Variants in PTPRR observed in about 807,000 individuals in gnomAD.
PTPRR encodes the protein receptor-type tyrosine-protein phosphatase R.
Under a neutral mutation model 77.2 loss-of-function variants are expected in PTPRR, and 38 were observed. That is an observed-to-expected ratio of 0.49 (90% CI 0.38 to 0.65). PTPRR has a LOEUF of 0.65. Among genes scored for constraint, PTPRR ranks in the 30% least tolerant of loss-of-function variants. PTPRR has a pLI of 0.00. For missense variants in PTPRR, 744 were observed against 799.2 expected (o/e 0.93, Z 0.83); for synonymous variants, 299 against 283.1 (o/e 1.06, Z -0.57).
chr12:70,690,467 G>T (rs148992703), intron 8 of PTPRR, among the ~76,000 whole-genome samples: 4 of 152,202 alleles, frequency 2.6e-5, no homozygotes, highest in African/African-American at 9.6e-5. Context: ...AAAAAATAAC[G>T]TTTTAGCAAC....
chr12:70,893,245 C>T (rs917644077), intron 1 of PTPRR, among the ~76,000 whole-genome samples: 5 of 150,764 alleles, frequency 3.3e-5, no homozygotes, highest in Non-Finnish European at 7.4e-5. Context: ...GCCACTTTTA[C>T]TAAGAAATTT....
chr12:70,884,363 T>A (rs1176388965), intron 2 of PTPRR, among the ~76,000 whole-genome samples: 1 of 151,836 alleles, frequency 6.6e-6, no homozygotes, highest in African/African-American at 2.4e-5. Context: ...GCACTTATGA[T>A]TACAGATAAA....
At chr12:70,835,341 T>G (rs1210088529) in intron 2 of PTPRR, among the ~76,000 whole-genome samples, 1 of 152,118 alleles carries the variant, frequency 6.6e-6, no homozygotes, top group African/African-American at 2.4e-5. Context: ...ATAAATTCAC[T>G]TATAGTATAA....
Position 70,769,767 on chromosome 12 carries a change from A to G in PTPRR, c.358-4989T>C, listed in dbSNP as rs572884160. 9.9e-3 allele frequency among the ~76,000 whole-genome samples: 1,497 copies of G among 151,974 alleles called. 24 individuals are homozygous for G. The highest frequency in any genetic ancestry group is 0.034 in the African/African-American group (1,414 of 41,286). The stretch of plus-strand genomic sequence containing the variant: ...CTACCTCACTTCAAACTATACTACA[A>G]GGCTACAGTAAACAAAACAGCATGG... On this transcript the variant is annotated intron_variant, in intron 2 of 13. Transcript: ENST00000283228.
intron 2 of PTPRR, among the ~76,000 whole-genome samples, chr12:70,779,317 T>C (rs539957105): frequency 7.0e-4 from 106 of 152,128 alleles, no homozygotes; most frequent in Non-Finnish European, 1.1e-3. Flanking sequence ...CTTCATCTCA[T>C]AGACCTTTTT....
At chr12:70,744,390 C>G (rs752356392) in intron 6 of PTPRR, among the ~76,000 whole-genome samples, 2 of 152,156 alleles carry the variant, frequency 1.3e-5, no homozygotes, top group African/African-American at 4.8e-5. Flanking sequence ...ACCTACATTG[C>G]CCATCAAGAA....
chr12:70,758,580 G>A (rs1398264544), intron 4 of PTPRR, among the ~76,000 whole-genome samples: 1 of 152,164 alleles, frequency 6.6e-6, no homozygotes, highest in African/African-American at 2.4e-5. Context: ...GGCAAGATGT[G>A]TACCAGTCAG....
chr12:70,797,419 T>C (rs1162380178), intron 2 of PTPRR, among the ~76,000 whole-genome samples: 1 of 152,222 alleles, frequency 6.6e-6, no homozygotes, highest in Non-Finnish European at 1.5e-5. Flanking sequence ...TACAAGCTTA[T>C]AAATATATAT....
chr12:70,693,205 A>G (rs1888112553), intron 8 of PTPRR, among the ~76,000 whole-genome samples: 1 of 152,228 alleles, frequency 6.6e-6, no homozygotes, highest in Non-Finnish European at 1.5e-5. Context: ...ACTGCTTAGA[A>G]ACAGTTTCCC....
chr12:70,846,008 A>G (rs1324944836), intron 2 of PTPRR, among the ~76,000 whole-genome samples: 1 of 152,212 alleles, frequency 6.6e-6, no homozygotes, highest in Non-Finnish European at 1.5e-5. Flanking sequence ...ACAAAATGAA[A>G]TAAAATATAG....
At chr12:70,660,779 A>C (rs1886769942) in intron 12 of PTPRR, among the ~76,000 whole-genome samples, 161 bp downstream of exon 12, 1 of 152,224 alleles carries the variant, frequency 6.6e-6, no homozygotes, top group South Asian at 2.1e-4. Flanking sequence ...CTGTCAGCAT[A>C]ATCTTGATTC....
intron 6 of PTPRR, among the ~76,000 whole-genome samples, chr12:70,702,220 C>T (rs1318075401): frequency 6.6e-6 from 1 of 151,996 alleles, no homozygotes; most frequent in African/African-American, 2.4e-5. Context: ...GACCCTGAGT[C>T]CTGAGTAGGA....
chr12:70,694,746 C>T (rs947179393), intron 8 of PTPRR, among the ~76,000 whole-genome samples: 1 of 152,022 alleles, frequency 6.6e-6, no homozygotes, highest in Non-Finnish European at 1.5e-5. Context: ...GAAGCCCAAA[C>T]GGCAGCATCA....
At chr12:70,664,422 A>T (rs745307395) in intron 10 of PTPRR, 1 of 152,238 alleles carries the variant, frequency 6.6e-6, no homozygotes, top group Non-Finnish European at 1.5e-5. Flanking sequence ...CCTCCCGATG[A>T]GTCCAAGAAG....
intron 2 of PTPRR, among the ~76,000 whole-genome samples, chr12:70,832,688 C>A (rs1334533318): frequency 6.6e-6 from 1 of 152,130 alleles, no homozygotes. Flanking sequence ...ATGTTGAGAA[C>A]AGAACATGGG....
chr12:70,703,359 G>A (rs1199917882), intron 6 of PTPRR, among the ~76,000 whole-genome samples: 1 of 152,026 alleles, frequency 6.6e-6, no homozygotes. Flanking sequence ...AGGGATTAGG[G>A]AATAGCATTT....
intron 2 of PTPRR, among the ~76,000 whole-genome samples, chr12:70,851,270 A>G (rs1319452788): frequency 6.6e-6 from 1 of 152,174 alleles, no homozygotes; most frequent in Non-Finnish European, 1.5e-5. Context: ...CCTCTGGTAA[A>G]ATACCCAGAC....
At chr12:70,862,145 G>A (rs1477411429) in intron 2 of PTPRR, among the ~76,000 whole-genome samples, 1 of 151,978 alleles carries the variant, frequency 6.6e-6, no homozygotes, top group Non-Finnish European at 1.5e-5. Context: ...AAAAAATTAG[G>A]AGAGTTTGAG....
intron 2 of PTPRR, among the ~76,000 whole-genome samples, chr12:70,780,150 C>T (rs1891173824): frequency 6.6e-6 from 1 of 152,086 alleles, no homozygotes; most frequent in Non-Finnish European, 1.5e-5. Context: ...CGCCACCATG[C>T]CCAGCTAGTT....
Sources: allele counts gnomAD v4.1 joint callset (sites outside exome capture counted in the v4.1 genomes callset), GRCh38; gene constraint gnomAD v4.1.1; transcripts MANE v1.5; gene names NCBI Gene and HGNC (gene_info 2026-07-23, HGNC 2026-07-21).